PITPNM2: variants seen among roughly 807,000 people sequenced by gnomAD.
PITPNM2 encodes the protein phosphatidylinositol transfer protein membrane associated 2.
In PITPNM2, 35 loss-of-function variants were observed where a neutral mutation model predicts 132.2. The ratio of observed to expected loss-of-function variants is 0.26; its 90% CI spans 0.20 to 0.35. The LOEUF is 0.35. Ranked by LOEUF, PITPNM2 falls within the 10% of genes least tolerant of loss-of-function variation. The probability of loss-of-function intolerance (pLI) is 1.00; values close to 1 mark genes in which losing one functional copy is unlikely to be tolerated. For synonymous variants in PITPNM2, 738 were observed against 799.2 expected (o/e 0.92, Z 1.29); for missense variants, 1,332 against 1,912.0 (o/e 0.70, Z 5.66).
In PITPNM2 at chr12:123,005,591, A is replaced by G. The variant is rs766111137; in HGVS notation, c.644-43T>C. On this transcript the variant is annotated intron_variant, in intron 6 of 25. Transcript: ENST00000320201. This position sits in a 1 kb window ranked among gnomAD's most constrained non-coding sequence, Gnocchi z 6.2. ...CAGAGAGGGAGAGACGAGGGGAGGG[A>G]GGTCAGCGCAGGAGCCTGCACGGAA... The G allele has an allele frequency of 1.4e-5, 22 of 1,578,072 alleles. No individual in the cohort carries two copies. Among genetic ancestry groups the G allele is most frequent in the Admixed American group, 1.7e-5 (1 of 59,202 alleles).
rs576004075 is a variant in PITPNM2, at chr12:123,106,371, G to C, written c.-96+4014C>G. On this transcript the variant is annotated intron_variant, in intron 2 of 25. Coordinates refer to ENST00000320201, the MANE Select transcript of PITPNM2 (RefSeq NM_020845.3). This position sits in a 1 kb window ranked among gnomAD's most constrained non-coding sequence, Gnocchi z 4.4. The stretch of plus-strand genomic sequence containing the variant: ...CCACTGCACTCCAGCCTGGGTGGCA[G>C]AGCAAGACTCCATCTCTAAAATAAG... Among the ~76,000 whole-genome samples, 5 of 151,986 alleles carry C rather than the reference G, an allele frequency of 3.3e-5. No individual in the cohort carries two copies. The East Asian group carries it at 9.7e-4, about 29-fold the overall frequency.
chr12:123,068,502 A>AAAT (rs2041518296), intron 2 of PITPNM2, among the ~76,000 whole-genome samples: 2 of 138,158 alleles, frequency 1.4e-5, no homozygotes, highest in Non-Finnish European at 3.0e-5. Flanking sequence ...AATAAATAAA[A>AAAT]ATAATCCTTG....
chr12:123,050,480 G>A (rs2040822064), intron 2 of PITPNM2, among the ~76,000 whole-genome samples: 1 of 152,178 alleles, frequency 6.6e-6, no homozygotes. Flanking sequence ...TGTGACCCAG[G>A]ACTGATCTAC....
In PITPNM2 at chr12:123,001,076, G is replaced by C. The variant is rs755378444; in HGVS notation, c.1131C>G (p.Ser377Arg). ...SSNDLMDKIE[S>R]PEPEDTQDGL... The stretch of plus-strand genomic sequence containing the variant: ...GACCTTGTGTGTCTTCCGGCTCTGG[G>C]CTCTCGATCTTGTCCATGAGGTCAT... The change falls in exon 9 of 26, where the codon AGC becomes AGG. Residue 377 changes from serine to arginine, a missense_variant. Ser to Arg is a moderately radical substitution (Grantham distance 110). Around this residue, in one of 6 missense-constraint regions of PITPNM2, gnomAD observed 710 missense variants for 911.5 expected, o/e 0.78. Transcript: ENST00000320201. The C allele has an allele frequency of 1.2e-6, 2 of 1,614,166 alleles. No homozygotes were observed. Among genetic ancestry groups the C allele is most frequent in the Admixed American group, 1.7e-5 (1 of 60,034 alleles).
At chr12:123,093,330 A>G (rs1010396891) in intron 2 of PITPNM2, among the ~76,000 whole-genome samples, 3 of 152,212 alleles carry the variant, frequency 2.0e-5, no homozygotes, top group Admixed American at 2.0e-4. Flanking sequence ...ATAGAAGAAA[A>G]TGTTCTAAAA....
chr12:123,146,658 C>T (rs969071368), intron 1 of PITPNM2, among the ~76,000 whole-genome samples: 1 of 151,662 alleles, frequency 6.6e-6, no homozygotes, highest in African/African-American at 2.4e-5. Flanking sequence ...TAAGCAAATG[C>T]CAGCCTGCCC....
chr12:122,991,620 G>T, intron 16 of PITPNM2: 1 of 980,042 alleles, frequency 1.0e-6, no homozygotes, highest in Non-Finnish European at 1.3e-6. Flanking sequence ...GAGCCGTCCT[G>T]CCCAAGTCTC....
At position 123,022,078 on chromosome 12, in the gene PITPNM2, T is replaced by G. The variant is rs2039690739; in HGVS notation, c.79-8036A>C. Among the ~76,000 whole-genome samples, 1 of 152,084 alleles carries G rather than the reference T, an allele frequency of 6.6e-6. No homozygotes were observed. Among genetic ancestry groups the G allele is most frequent in the African/African-American group, 2.4e-5 (1 of 41,416 alleles). ...ATGGCTTCAAAGTTCCCCTGAAGGA[T>G]GGAGTGAAGAGCCAGGCCTGGAAAA... On this transcript the variant is annotated intron_variant, in intron 3 of 25. Coordinates refer to ENST00000320201, the MANE Select transcript of PITPNM2 (RefSeq NM_020845.3). The surrounding 1 kb of genome is among the most constrained non-coding windows in gnomAD (Gnocchi z 4.9).
rs199944616 is a variant in PITPNM2, at chr12:123,005,266, T to A, written c.926A>T (p.Lys309Met). The A allele has an allele frequency of 1.5e-4, 247 of 1,613,148 alleles. 1 individual carries two copies. Among genetic ancestry groups the A allele is most frequent in the Non-Finnish European group, 2.0e-4 (237 of 1,179,534 alleles). The change falls in exon 7 of 26, where the codon AAG becomes ATG. Residue 309 changes from lysine (K) to methionine (M), a missense_variant. Lys to Met is a moderately conservative substitution (Grantham distance 95). This residue lies in a region of PITPNM2 where 710 missense variants were observed against 911.5 expected (regional missense o/e 0.78). Transcript: ENST00000320201. This position sits in a 1 kb window ranked among gnomAD's most constrained non-coding sequence, Gnocchi z 6.2. ...GLKKQWSTSS[K>M]SSRSSKRGAS... ...TCCCCGCTTGGACGACCGAGACGACTTGGAGGATGTGGACCACTGTTTCTT... is the reference window on the plus strand; with the variant it reads ...TCCCCGCTTGGACGACCGAGACGACATGGAGGATGTGGACCACTGTTTCTT...
In PITPNM2 at chr12:122,985,509, G is replaced by A. The variant is rs149342316; in HGVS notation, c.*518C>T. ...GGTACTGAGTTTCATGCATGTCAAC[G>A]GGGCTGTAGCCATAGGAGGTGGTAA... On this transcript the variant is annotated 3_prime_UTR_variant, in exon 26 of 26. Coordinates refer to ENST00000320201, the MANE Select transcript of PITPNM2 (RefSeq NM_020845.3). 1.3e-5 allele frequency: 2 copies of A among 153,518 alleles called. No homozygotes were observed. The highest frequency in any genetic ancestry group is 2.4e-5 in the African/African-American group (1 of 41,590). 9.5% of individuals were successfully genotyped at this position (153,518 alleles called of 1,614,324 possible).
chr12:123,054,593 T>A (rs2040960018), intron 2 of PITPNM2, among the ~76,000 whole-genome samples: 1 of 152,240 alleles, frequency 6.6e-6, no homozygotes, highest in Non-Finnish European at 1.5e-5. Context: ...GCAGTTGCTG[T>A]CCTTCCACGG....
rs747338339 is a variant in PITPNM2 at position 122,986,148 on chromosome 12, C to G, written c.3929G>C (p.Arg1310Pro). The change falls in exon 26 of 26, where the codon CGG becomes CCG. Residue 1310 changes from arginine to proline, a missense_variant. This residue lies in a region of PITPNM2 where 163 missense variants were observed against 177.2 expected (regional missense o/e 0.92). Transcript: ENST00000320201. ...QPSGPSHRHE[R>P]TQSQADGEQR... ...CTCGCCATCCGCCTGGCTCTGTGTC[C>G]GCTCGTGCCGGTGGCTGGGCCCGCT... The G allele has an allele frequency of 1.3e-6, 2 of 1,529,212 alleles. No homozygotes were observed. Among genetic ancestry groups the G allele is most frequent in the East Asian group, 5.0e-5 (2 of 40,012 alleles). 94.7% of individuals were successfully genotyped at this position (1,529,212 alleles called of 1,614,324 possible).
intron 2 of PITPNM2, among the ~76,000 whole-genome samples, chr12:123,101,117 G>A (rs909499441): frequency 6.6e-6 from 1 of 152,244 alleles, no homozygotes; most frequent in African/African-American, 2.4e-5. Flanking sequence ...CTGACACAGT[G>A]CACAGGCACT....
chr12:123,073,289 A>G (rs1396687136), intron 2 of PITPNM2, among the ~76,000 whole-genome samples: 6 of 152,164 alleles, frequency 3.9e-5, no homozygotes, highest in Non-Finnish European at 7.4e-5. Flanking sequence ...ACACTACCCA[A>G]AAGCAGCAAT....
Position 123,083,797 on chromosome 12 carries a change from G to A in PITPNM2, c.-96+26588C>T, listed in dbSNP as rs2042034022. 6.6e-6 allele frequency: 1 copy of A among 152,476 alleles called. No individual in the cohort carries two copies. Among genetic ancestry groups the A allele is most frequent in the Admixed American group, 6.5e-5 (1 of 15,292 alleles). 9.4% of individuals were successfully genotyped at this position (152,476 alleles called of 1,614,324 possible). ...CCTGGGGGCATTCGGGAGACCTGGAGATGTGGCAGCTGGCCAGGAGCTGGG... is the reference window on the plus strand; with the variant it reads ...CCTGGGGGCATTCGGGAGACCTGGAAATGTGGCAGCTGGCCAGGAGCTGGG... On this transcript the variant is annotated intron_variant, in intron 2 of 25. Transcript: ENST00000320201. The surrounding 1 kb of genome is among the most constrained non-coding windows in gnomAD (Gnocchi z 4.5).
At chr12:123,048,852 G>A (rs2040761975) in intron 2 of PITPNM2, among the ~76,000 whole-genome samples, 1 of 152,108 alleles carries the variant, frequency 6.6e-6, no homozygotes, top group Non-Finnish European at 1.5e-5. Flanking sequence ...GTCAACATGG[G>A]GCCAGGCACA....
At chr12:123,068,356 G>A (rs1387397694) in intron 2 of PITPNM2, among the ~76,000 whole-genome samples, 1 of 152,076 alleles carries the variant, frequency 6.6e-6, no homozygotes, top group East Asian at 1.9e-4. Context: ...GCTGAGGCAG[G>A]AGAATGGCGT....
rs1327839996 is a variant in PITPNM2, at chr12:123,064,254, A to G, written c.-95-29569T>C. Among the ~76,000 whole-genome samples, 2 of 152,238 alleles carry G rather than the reference A, an allele frequency of 1.3e-5. No individual in the cohort carries two copies. Among genetic ancestry groups the G allele is most frequent in the African/African-American group, 2.4e-5 (1 of 41,454 alleles). ...ACTCCAAATTGGAAAATGGAAACCAAGAGAGCGACAGGGACTTGGTCAAGG... is the reference window on the plus strand; with the variant it reads ...ACTCCAAATTGGAAAATGGAAACCAGGAGAGCGACAGGGACTTGGTCAAGG... On this transcript the variant is annotated intron_variant, in intron 2 of 25. Coordinates refer to ENST00000320201, the MANE Select transcript of PITPNM2 (RefSeq NM_020845.3). The surrounding 1 kb of genome is among the most constrained non-coding windows in gnomAD (Gnocchi z 4.0).
intron 3 of PITPNM2, among the ~76,000 whole-genome samples, chr12:123,014,708 C>CA (rs1555288858): frequency 4.0e-5 from 6 of 151,656 alleles, no homozygotes; most frequent in Admixed American, 3.9e-4. Context: ...TCTCAAAAAA[C>CA]AAACAAAACA....
Sources: allele counts gnomAD v4.1 joint callset (sites outside exome capture counted in the v4.1 genomes callset), GRCh38; gene constraint gnomAD v4.1.1; regional missense constraint gnomAD v4.1.1; non-coding constraint Gnocchi (gnomAD v3.1); transcripts MANE v1.5; gene names NCBI Gene and HGNC (gene_info 2026-07-23, HGNC 2026-07-21).